KIF26B: variants seen among roughly 807,000 people sequenced by gnomAD.
KIF26B encodes kinesin family member 26B.
KIF26B carries 63 observed loss-of-function variants against 151.2 expected under a neutral mutation model. That is an observed-to-expected ratio of 0.42 (90% CI 0.34 to 0.51). KIF26B has a LOEUF of 0.51. Ranked by LOEUF, KIF26B falls within the 20% of genes least tolerant of loss-of-function variation. KIF26B has a pLI of 0.07. For synonymous variants in KIF26B, 1,357 were observed against 1,262.1 expected, an observed-to-expected ratio of 1.08 and a Z score of -1.59; for missense variants, 2,813 against 2,913.6, an observed-to-expected ratio of 0.97 and a Z score of 0.79.
At chr1:245,404,087 G>T (rs963608090) in intron 3 of KIF26B, among the ~76,000 whole-genome samples, 5 of 152,130 alleles carry the variant, frequency 3.3e-5, no homozygotes, top group Admixed American at 2.6e-4. Context: ...TTTTAAGTGC[G>T]GTGGAATCAT....
intron 2 of KIF26B, among the ~76,000 whole-genome samples, chr1:245,331,869 G>A (rs1290520939): frequency 6.6e-6 from 1 of 152,144 alleles, no homozygotes; most frequent in Non-Finnish European, 1.5e-5. Context: ...GCTCAGGCCT[G>A]TAATCCCAGC....
chr1:245,269,819 A>G (rs1370613477), intron 2 of KIF26B, among the ~76,000 whole-genome samples: 1 of 151,620 alleles, frequency 6.6e-6, no homozygotes. Flanking sequence ...GTCTGTATAG[A>G]CCACATTTTC....
intron 7 of KIF26B, among the ~76,000 whole-genome samples, chr1:245,608,098 G>A (rs12120810): frequency 0.032 from 4,859 of 152,238 alleles, 127 homozygotes; most frequent in South Asian, 0.072. Context: ...CCGCACCCAT[G>A]AGGATGTGGG....
At chr1:245,233,302 C>A (rs1323949837) in intron 2 of KIF26B, among the ~76,000 whole-genome samples, 1 of 152,162 alleles carries the variant, frequency 6.6e-6, no homozygotes, top group African/African-American at 2.4e-5. Context: ...AAGAAATATT[C>A]TACTTTGTAG....
intron 5 of KIF26B, among the ~76,000 whole-genome samples, chr1:245,558,826 C>T (rs561264618): frequency 2.0e-5 from 3 of 152,350 alleles, no homozygotes; most frequent in South Asian, 2.1e-4. Flanking sequence ...CCCAGCATCT[C>T]GCCAACCTTT....
chr1:245,589,504 T>G (rs2043263566), intron 5 of KIF26B, among the ~76,000 whole-genome samples: 1 of 152,184 alleles, frequency 6.6e-6, no homozygotes, highest in African/African-American at 2.4e-5. Flanking sequence ...AACAAAATTA[T>G]CATCTCATGG....
At chr1:245,537,254 G>C (rs1661508479) in intron 4 of KIF26B, among the ~76,000 whole-genome samples, 2 of 152,204 alleles carry the variant, frequency 1.3e-5, no homozygotes, top group Admixed American at 1.3e-4. Flanking sequence ...CCCTGAGATG[G>C]GGATTGGACC....
intron 2 of KIF26B, among the ~76,000 whole-genome samples, chr1:245,249,839 T>C (rs1670410037): frequency 6.6e-6 from 1 of 152,166 alleles, no homozygotes; most frequent in Non-Finnish European, 1.5e-5. Context: ...TTGCTTTGTT[T>C]TGGAGTTTGT....
chr1:245,613,962 A>G (rs1160867799), intron 9 of KIF26B, among the ~76,000 whole-genome samples: 2 of 151,980 alleles, frequency 1.3e-5, no homozygotes, highest in Non-Finnish European at 2.9e-5. Context: ...CCTTCCCCTG[A>G]CCTCTAGCCC....
chr1:245,521,307 ATC>A (rs1661101624), intron 4 of KIF26B, among the ~76,000 whole-genome samples: 1 of 151,378 alleles, frequency 6.6e-6, no homozygotes. Flanking sequence ...ACTGCACTCC[ATC>A]CAGCCTGAGT....
intron 2 of KIF26B, among the ~76,000 whole-genome samples, chr1:245,329,345 G>T (rs1672055312): frequency 6.6e-6 from 1 of 152,232 alleles, no homozygotes; most frequent in Non-Finnish European, 1.5e-5. Flanking sequence ...AAGTCAGAGG[G>T]CCACGGCCAT....
chr1:245,456,286 G>A (rs545062287), intron 4 of KIF26B, among the ~76,000 whole-genome samples: 250 of 152,280 alleles, frequency 1.6e-3, no homozygotes, highest in Middle Eastern at 3.4e-3. Context: ...GTATATTTAA[G>A]TGTTTTGCTG....
At chr1:245,694,716 G>C (rs1013508112) in intron 12 of KIF26B, among the ~76,000 whole-genome samples, 2 of 152,214 alleles carry the variant, frequency 1.3e-5, no homozygotes, top group Non-Finnish European at 2.9e-5. Context: ...GAGGGGCGAG[G>C]GGGTGGGCTC....
chr1:245,302,906 T>G (rs1170654951), intron 2 of KIF26B, among the ~76,000 whole-genome samples: 1 of 139,254 alleles, frequency 7.2e-6, no homozygotes, highest in Non-Finnish European at 1.5e-5. Flanking sequence ...GGAGAATCGC[T>G]TGAACCTTGG....
At chr1:245,298,903 A>C (rs1202718183) in intron 2 of KIF26B, among the ~76,000 whole-genome samples, 1 of 152,220 alleles carries the variant, frequency 6.6e-6, no homozygotes, top group Admixed American at 6.5e-5. Flanking sequence ...ACACTGGACC[A>C]GGATCTGGGT....
chr1:245,507,434 G>A lies in KIF26B; in HGVS notation c.1167-33333G>A, dbSNP rs182201545. On this transcript the variant is annotated intron_variant, in intron 4 of 14. Transcript: ENST00000407071. ...GCTGGAGCATAAATGGCCCATCCTC[G>A]TGTCCTGTGTTGGACTTGATGGCTG... 3.2e-4 allele frequency among the ~76,000 whole-genome samples: 49 copies of A among 152,308 alleles called. 1 individual carries two copies. Among genetic ancestry groups the A allele is most frequent in the African/African-American group, 1.0e-3 (43 of 41,582 alleles).
intron 4 of KIF26B, among the ~76,000 whole-genome samples, chr1:245,458,500 C>T (rs969792862): frequency 7.2e-5 from 11 of 152,160 alleles, no homozygotes; most frequent in African/African-American, 1.2e-4. Flanking sequence ...CCCTGGCTCT[C>T]GCTGTCTCAC....
At chr1:245,354,877 T>G (rs1022365679) in intron 2 of KIF26B, among the ~76,000 whole-genome samples, 1 of 152,226 alleles carries the variant, frequency 6.6e-6, no homozygotes, top group African/African-American at 2.4e-5. Flanking sequence ...GTGTCAACCT[T>G]GACCCCACGG....
chr1:245,156,142 G>A, intron 1 of KIF26B, 140 bp from the exon 2 acceptor site: 1 of 1,265,866 alleles, frequency 7.9e-7, no homozygotes, highest in South Asian at 1.6e-5. Flanking sequence ...AGGGCAATTT[G>A]GCCGCAGGGC....
Sources: gnomAD v4.1 joint callset for allele counts (sites outside exome capture counted in the v4.1 genomes callset) on GRCh38, gnomAD v4.1.1 for gene constraint, MANE v1.5 for transcripts, NCBI Gene and HGNC (gene_info 2026-07-23, HGNC 2026-07-21) for gene names.